VWF: variants seen among roughly 807,000 people sequenced by gnomAD.
VWF encodes the protein Factor VIII related antigen.
Under a neutral mutation model 308.6 loss-of-function variants are expected in VWF, and 176 were observed. The observed-to-expected ratio is 0.57, with a 90% CI of 0.50 to 0.65. The LOEUF is 0.65. Ranked by LOEUF, VWF falls within the 30% of genes least tolerant of loss-of-function variation. The pLI is 0.00. For missense variants in VWF, 3,146 were observed against 3,648.2 expected, an observed-to-expected ratio of 0.86 and a Z score of 3.55; for synonymous variants, 1,385 against 1,443.4, an observed-to-expected ratio of 0.96 and a Z score of 0.92.
intron 44 of VWF, among the ~76,000 whole-genome samples, chr12:5,970,627 G>T (rs527493914): frequency 2.5e-4 from 38 of 152,314 alleles, no homozygotes; most frequent in Non-Finnish European, 4.7e-4. Flanking sequence ...CGGACTAGAG[G>T]GGGAGGTGGA....
chr12:6,025,498 C>T (rs966359840), intron 24 of VWF, 82 bp downstream of exon 24: 14 of 1,130,678 alleles, frequency 1.2e-5, no homozygotes, highest in Middle Eastern at 2.7e-4. Context: ...GTAGTGTCCA[C>T]GTTAGAAGGT....
chr12:5,994,642 A>G (rs1410526901), intron 35 of VWF, 35 bp from the exon 36 acceptor site: 2 of 1,603,882 alleles, frequency 1.2e-6, no homozygotes, highest in Non-Finnish European at 1.7e-6. Flanking sequence ...CCGTAGTCCT[A>G]GCAATGAGGA....
intron 42 of VWF, among the ~76,000 whole-genome samples, chr12:5,978,318 A>G (rs1257568171): frequency 6.6e-6 from 1 of 152,124 alleles, no homozygotes; most frequent in Non-Finnish European, 1.5e-5. Context: ...GCCAGAGTGC[A>G]ATGGCACAAT....
At chr12:6,064,592 C>T (rs71582858) in intron 11 of VWF, among the ~76,000 whole-genome samples, 5 of 152,216 alleles carry the variant, frequency 3.3e-5, no homozygotes, top group African/African-American at 4.8e-5. Flanking sequence ...TCCTTGCACA[C>T]GCCTTCTCCC....
At chr12:5,953,870 T>C (rs1217490683) in intron 47 of VWF, 1 of 433,638 alleles carries the variant, frequency 2.3e-6, no homozygotes, top group Non-Finnish European at 4.2e-6. Flanking sequence ...TTCAATTGTT[T>C]ACTGGACAAT....
intron 6 of VWF, among the ~76,000 whole-genome samples, chr12:6,076,269 G>A (rs1288156180): frequency 1.3e-5 from 2 of 152,132 alleles, no homozygotes; most frequent in Non-Finnish European, 2.9e-5. Flanking sequence ...TCCTACTTCT[G>A]CTCACTCACG....
chr12:5,993,122 T>A (rs529524967), intron 37 of VWF, among the ~76,000 whole-genome samples: 1 of 152,264 alleles, frequency 6.6e-6, no homozygotes, highest in South Asian at 2.1e-4. Flanking sequence ...AGTTCCATGA[T>A]GATAAACTCT....
At chr12:6,116,859 C>T (rs908478484) in intron 3 of VWF, among the ~76,000 whole-genome samples, 6 of 152,248 alleles carry the variant, frequency 3.9e-5, no homozygotes, top group African/African-American at 9.6e-5. Flanking sequence ...TGTGGATGTG[C>T]GATTTACGGT....
chr12:5,992,345 G>C (rs1943754507), intron 37 of VWF, among the ~76,000 whole-genome samples: 1 of 152,158 alleles, frequency 6.6e-6, no homozygotes, highest in Non-Finnish European at 1.5e-5. Context: ...CATGCTCCTT[G>C]TCCCTCTTCC....
At chr12:6,095,205 C>T (rs1372129410) in intron 6 of VWF, 9 of 516,170 alleles carry the variant, frequency 1.7e-5, no homozygotes, top group Non-Finnish European at 3.2e-5. Context: ...CTTAAAATTA[C>T]CCAGTCTCAG....
chr12:5,984,094 C>T (rs1943649323), intron 40 of VWF, among the ~76,000 whole-genome samples: 1 of 152,204 alleles, frequency 6.6e-6, no homozygotes, highest in Non-Finnish European at 1.5e-5. Flanking sequence ...AGGGCTTTCA[C>T]ATCTCAGCCA....
chr12:6,092,630 T>TGAGAGTGAGAGAGAGAGAGA (rs1219001307), intron 6 of VWF, among the ~76,000 whole-genome samples: 3 of 72,902 alleles, frequency 4.1e-5, no homozygotes, highest in African/African-American at 1.6e-4. Context: ...TGTGTGTGTG[T>TGAGAGTGAGAGAGAGAGAGA]GTGTGTGTGT....
At chr12:6,026,931 A>G (rs1008047227) in intron 22 of VWF, among the ~76,000 whole-genome samples, 1 of 152,224 alleles carries the variant, frequency 6.6e-6, no homozygotes, top group Admixed American at 6.5e-5. Context: ...CAAAAAAACT[A>G]CAGAAAAAAC....
In VWF at chr12:5,990,868, TAAAAAAAAAAAAAAAAAAAAAAAAAA is replaced by T. The variant is rs755717764; in HGVS notation, c.6798+925_6798+950del. ...ATACACTCAATAACTCCCATAGAGC[TAAAAAAAAAAAAAAAAAAAAAAAAAA>T]AAAAAAAAAAAAAATTTTGATGACT... On this transcript the variant is annotated intron_variant, in intron 38 of 51. Coordinates refer to ENST00000261405, the MANE Select transcript of VWF (RefSeq NM_000552.5). Among the ~76,000 whole-genome samples the T allele has an allele frequency of 3.8e-3, 118 of 31,460 alleles. 2 individuals carry two copies. The highest frequency in any genetic ancestry group is 0.023 in the Middle Eastern group (1 of 44). 20.6% of individuals were successfully genotyped at this position (31,460 alleles called of 152,430 possible).
chr12:6,119,253 C>T (rs917569), intron 3 of VWF, among the ~76,000 whole-genome samples: 93,189 of 151,740 alleles, frequency 0.61, 28,875 homozygotes, highest in African/African-American at 0.67. Flanking sequence ...GGTTACCCAC[C>T]CTAAGAGCAG....
intron 6 of VWF, among the ~76,000 whole-genome samples, chr12:6,094,316 T>C (rs1945080953): frequency 6.6e-6 from 1 of 152,214 alleles, no homozygotes; most frequent in South Asian, 2.1e-4. Context: ...AGCCTCTCAC[T>C]CAGACTCCCT....
At chr12:6,122,639 C>A (rs558860595) in intron 2 of VWF, 57 of 411,088 alleles carry the variant, frequency 1.4e-4, no homozygotes, top group African/African-American at 1.1e-3. Flanking sequence ...CCGCCATTTG[C>A]AGACCCAGAA....
chr12:6,020,076 TC>T lies in VWF; in HGVS notation c.3675-334del, dbSNP rs1272844510. Among the ~76,000 whole-genome samples the T allele has an allele frequency of 1.3e-5, 2 of 152,234 alleles. No individual in the cohort carries two copies. The highest frequency in any genetic ancestry group is 1.3e-4 in the Admixed American group (2 of 15,286). ...AAAGCTGATTTCTTTTCAACCTACA[TC>T]TTTAGCAACATGAATACTTAATTAT... is the stretch of plus-strand genomic sequence containing the variant. On this transcript the variant is annotated intron_variant, in intron 27 of 51. Coordinates refer to ENST00000261405, the MANE Select transcript of VWF (RefSeq NM_000552.5). The surrounding 1 kb of genome is among the most constrained non-coding windows in gnomAD (Gnocchi z 4.3).
At chr12:5,997,429 AT>A (rs527469471) in intron 34 of VWF, among the ~76,000 whole-genome samples, 142 of 152,318 alleles carry the variant, frequency 9.3e-4, no homozygotes, top group African/African-American at 3.2e-3. Context: ...CCACCCTAAG[AT>A]GAACTGTGAC....
Sources: allele counts gnomAD v4.1 joint callset (sites outside exome capture counted in the v4.1 genomes callset), GRCh38; gene constraint gnomAD v4.1.1; non-coding constraint Gnocchi (gnomAD v3.1); transcripts MANE v1.5; gene names NCBI Gene and HGNC (gene_info 2026-07-23, HGNC 2026-07-21).